The following BNC2 variants were observed in gnomAD, a reference collection of about 807,000 sequenced individuals.
BNC2 encodes basonuclin zinc finger protein 2, also known as zinc finger protein basonuclin-2.
In BNC2, 20 loss-of-function variants were observed where a neutral mutation model predicts 76.3. That is an observed-to-expected ratio of 0.26 (90% CI 0.18 to 0.38). The LOEUF is 0.38. Among genes scored for constraint, BNC2 ranks in the 10% least tolerant of loss-of-function variants. The pLI is 1.00. For synonymous variants in BNC2, 582 were observed against 514.8 expected (o/e 1.13, Z -1.77); for missense variants, 1,382 against 1,399.8 (o/e 0.99, Z 0.20).
intron 1 of BNC2, among the ~76,000 whole-genome samples, chr9:16,866,555 C>G (rs1382799565): frequency 6.7e-6 from 1 of 150,246 alleles, no homozygotes; most frequent in Non-Finnish European, 1.5e-5. Flanking sequence ...AATATAGTAT[C>G]TGGTTGCATT....
Position 16,575,102 on chromosome 9 carries a change from A to G in BNC2, c.433+7881T>C, listed in dbSNP as rs575878945. Reference sequence around the variant, plus strand: ...TCTCATTTAATCTTAGAAGAACACTATGAGCTAGGAGCTATCATCACTCAC... The same window carrying G: ...TCTCATTTAATCTTAGAAGAACACTGTGAGCTAGGAGCTATCATCACTCAC... On this transcript the variant is annotated intron_variant, in intron 4 of 6. Transcript: ENST00000380672. 18 of 209,744 alleles carry G rather than the reference A, an allele frequency of 8.6e-5. No homozygotes were observed. The South Asian group carries it at 2.7e-3, about 31-fold the overall frequency. 13.0% of individuals were successfully genotyped at this position (209,744 alleles called of 1,614,324 possible). A position where few individuals can be genotyped will look rare whatever the true frequency, so the allele number is the denominator to read the frequency against.
chr9:16,705,761 A>C (rs1156861740), intron 3 of BNC2, among the ~76,000 whole-genome samples: 13 of 152,130 alleles, frequency 8.5e-5, no homozygotes, highest in Non-Finnish European at 1.5e-5. Context: ...CAGTATGGGG[A>C]CTACTTATCA....
chr9:16,659,391 G>T (rs182214290), intron 3 of BNC2, among the ~76,000 whole-genome samples: 78 of 151,978 alleles, frequency 5.1e-4, no homozygotes, highest in Non-Finnish European at 8.4e-4. Flanking sequence ...GGGCAGATCA[G>T]GAGGTCAGGA....
At chr9:16,846,948 T>A (rs1478387332) in intron 1 of BNC2, among the ~76,000 whole-genome samples, 1 of 152,246 alleles carries the variant, frequency 6.6e-6, no homozygotes, top group Non-Finnish European at 1.5e-5. Flanking sequence ...TAAAGACAGA[T>A]GTGCTTTGGA....
chr9:16,828,066 T>C (rs1818493847), intron 1 of BNC2, among the ~76,000 whole-genome samples: 1 of 152,206 alleles, frequency 6.6e-6, no homozygotes, highest in Admixed American at 6.5e-5. Flanking sequence ...CAATGATATG[T>C]TCACACTATA....
At chr9:16,746,686 G>A (rs1825017572) in intron 1 of BNC2, among the ~76,000 whole-genome samples, 1 of 151,278 alleles carries the variant, frequency 6.6e-6, no homozygotes, top group African/African-American at 2.4e-5. Flanking sequence ...TTCGGCCAGG[G>A]GCAGTGTGGC....
intron 3 of BNC2, among the ~76,000 whole-genome samples, chr9:16,632,666 C>T (rs1821197150): frequency 6.6e-6 from 1 of 152,166 alleles, no homozygotes; most frequent in Admixed American, 6.5e-5. Context: ...AGGTCTAGAA[C>T]ACATCTTTGC....
intron 3 of BNC2, among the ~76,000 whole-genome samples, chr9:16,687,847 C>T (rs1419740039): frequency 2.6e-5 from 4 of 152,122 alleles, no homozygotes; most frequent in African/African-American, 9.7e-5. Flanking sequence ...ACTAAAATTA[C>T]ATGCAATTAC....
chr9:16,864,201 G>C (rs990267450), intron 1 of BNC2, among the ~76,000 whole-genome samples: 2 of 152,096 alleles, frequency 1.3e-5, no homozygotes, highest in Non-Finnish European at 2.9e-5. Flanking sequence ...GAGGAAAAGA[G>C]CAAAGGAAAA....
At chr9:16,748,600 T>C (rs988064660) in intron 1 of BNC2, among the ~76,000 whole-genome samples, 2 of 151,936 alleles carry the variant, frequency 1.3e-5, no homozygotes, top group African/African-American at 4.8e-5. Context: ...CCCAGCACTG[T>C]GGGAGGCCAA....
intron 1 of BNC2, among the ~76,000 whole-genome samples, chr9:16,764,895 A>G (rs1472700717): frequency 6.6e-6 from 1 of 152,014 alleles, no homozygotes; most frequent in African/African-American, 2.4e-5. Flanking sequence ...GAGGGAGGGA[A>G]AGAAGGAGGG....
At chr9:16,721,215 G>C (rs1292752148) in intron 3 of BNC2, among the ~76,000 whole-genome samples, 2 of 151,814 alleles carry the variant, frequency 1.3e-5, no homozygotes, top group African/African-American at 2.4e-5. Context: ...TATTTTTCCT[G>C]CATCTTTACC....
intron 5 of BNC2, among the ~76,000 whole-genome samples, chr9:16,496,384 G>C (rs759452702): frequency 2.6e-5 from 4 of 152,086 alleles, no homozygotes; most frequent in Non-Finnish European, 4.4e-5. Context: ...AAAGAATATA[G>C]TTTATTTCTT....
At chr9:16,702,890 T>C (rs1252254542) in intron 3 of BNC2, among the ~76,000 whole-genome samples, 1 of 152,220 alleles carries the variant, frequency 6.6e-6, no homozygotes, top group African/African-American at 2.4e-5. Flanking sequence ...AGCTAACATG[T>C]AGCAGCATTA....
chr9:16,489,902 T>C (rs189770649), intron 5 of BNC2, among the ~76,000 whole-genome samples: 1 of 152,362 alleles, frequency 6.6e-6, no homozygotes, highest in African/African-American at 2.4e-5. Context: ...CTCGTGTATC[T>C]GCCACTGATT....
chr9:16,482,586 A>C (rs1822080875), intron 5 of BNC2, among the ~76,000 whole-genome samples: 1 of 152,234 alleles, frequency 6.6e-6, no homozygotes, highest in African/African-American at 2.4e-5. Flanking sequence ...TCGTTTCTAC[A>C]TACTCATAGA....
chr9:16,497,101 GTC>G (rs1822406876), intron 5 of BNC2, among the ~76,000 whole-genome samples: 2 of 152,374 alleles, frequency 1.3e-5, no homozygotes, highest in African/African-American at 4.8e-5. Context: ...GGCTCAGAGA[GTC>G]TGTTCACCCT....
chr9:16,826,148 A>AT (rs34546821), intron 1 of BNC2, among the ~76,000 whole-genome samples: 2 of 151,982 alleles, frequency 1.3e-5, no homozygotes, highest in Non-Finnish European at 2.9e-5. Flanking sequence ...CAGCTAACAC[A>AT]TTTTTTAAAA....
rs1823192491 is a variant in BNC2, at chr9:16,692,149, T to C, written c.330+35648A>G. On this transcript the variant is annotated intron_variant, in intron 3 of 6. Transcript: ENST00000380672. ...AAGAAAAAAAGGTACAGAATTCTATTATTCTATTGGTTTGCAATCATTCTT... is the reference window on the plus strand; with the variant it reads ...AAGAAAAAAAGGTACAGAATTCTATCATTCTATTGGTTTGCAATCATTCTT... Among the ~76,000 whole-genome samples the C allele has an allele frequency of 2.0e-5, 3 of 152,166 alleles. No homozygotes were observed. In the South Asian group the frequency reaches 6.2e-4, roughly 32 times the overall value.
Sources: allele counts gnomAD v4.1 joint callset (sites outside exome capture counted in the v4.1 genomes callset), GRCh38; gene constraint gnomAD v4.1.1; transcripts MANE v1.5; gene names NCBI Gene and HGNC (gene_info 2026-07-23, HGNC 2026-07-21).